The following CNTNAP2 variants were observed in gnomAD, a reference collection of about 807,000 sequenced individuals.
CNTNAP2 encodes the protein contactin associated protein 2, also known as contactin-associated protein-like 2.
A neutral mutation model predicts 155.2 loss-of-function variants in CNTNAP2; 98 were observed. That is an observed-to-expected ratio of 0.63 (90% CI 0.54 to 0.75). CNTNAP2 has a LOEUF of 0.75. Ranked by LOEUF, CNTNAP2 falls within the 30% of genes least tolerant of loss-of-function variation. The pLI is 0.00. For missense variants in CNTNAP2, 1,727 were observed against 1,688.1 expected (o/e 1.02, Z -0.40); for synonymous variants, 651 against 631.2 (o/e 1.03, Z -0.47).
At chr7:147,678,717 AG>A (rs1365503692) in intron 13 of CNTNAP2, among the ~76,000 whole-genome samples, 1 of 151,970 alleles carries the variant, frequency 6.6e-6, no homozygotes, top group Non-Finnish European at 1.5e-5. Context: ...TTTAGGTAAA[AG>A]TGCTAATTAG....
chr7:146,798,195 C>T lies in CNTNAP2; in HGVS notation c.208+23814C>T, dbSNP rs149466288. On this transcript the variant is annotated intron_variant, in intron 2 of 23. Transcript: ENST00000361727. ...GCAGAGGCACAAGGATCACTTGAGC[C>T]GGGGATGGGGAGGCAGAGGCTGCAG... 1.4e-3 allele frequency among the ~76,000 whole-genome samples: 212 copies of T among 151,468 alleles called. 7 individuals carry two copies. The East Asian group carries it at 0.035, about 25-fold the overall frequency.
chr7:146,214,577 T>C (rs1461505881), intron 1 of CNTNAP2, among the ~76,000 whole-genome samples: 2 of 152,148 alleles, frequency 1.3e-5, no homozygotes, highest in African/African-American at 4.8e-5. Flanking sequence ...AATTGTGAAA[T>C]AAAATACACT....
At chr7:146,976,950 C>A (rs1797923350) in intron 3 of CNTNAP2, among the ~76,000 whole-genome samples, 1 of 151,982 alleles carries the variant, frequency 6.6e-6, no homozygotes, top group African/African-American at 2.4e-5. Flanking sequence ...CTTTGTAGCC[C>A]CCTCCAGGAC....
At chr7:147,341,906 C>T (rs1795771436) in intron 9 of CNTNAP2, among the ~76,000 whole-genome samples, 1 of 152,138 alleles carries the variant, frequency 6.6e-6, no homozygotes, top group South Asian at 2.1e-4. Flanking sequence ...CTGTCTTAAT[C>T]AGTTTAGGTT....
At chr7:147,895,778 T>A (rs1161902120) in intron 13 of CNTNAP2, among the ~76,000 whole-genome samples, 3 of 152,218 alleles carry the variant, frequency 2.0e-5, no homozygotes, top group Non-Finnish European at 4.4e-5. Flanking sequence ...AGGGAATTCT[T>A]TGCTCAAAAT....
intron 12 of CNTNAP2, among the ~76,000 whole-genome samples, chr7:147,638,222 T>C (rs755361940): frequency 6.6e-6 from 1 of 152,174 alleles, no homozygotes; most frequent in African/African-American, 2.4e-5. Context: ...CTGGGATATG[T>C]TCCTGGCTCA....
chr7:147,936,587 T>C (rs1279025709), intron 14 of CNTNAP2, among the ~76,000 whole-genome samples: 2 of 152,164 alleles, frequency 1.3e-5, no homozygotes, highest in South Asian at 2.1e-4. Context: ...AATGACTACA[T>C]GTATTCATTT....
chr7:147,652,197 G>C (rs1049980808), intron 13 of CNTNAP2, among the ~76,000 whole-genome samples: 17 of 152,122 alleles, frequency 1.1e-4, no homozygotes, highest in African/African-American at 4.1e-4. Flanking sequence ...CCTATTGTTT[G>C]CTTACAATTT....
intron 1 of CNTNAP2, among the ~76,000 whole-genome samples, chr7:146,702,264 G>A (rs1269714112): frequency 1.3e-5 from 2 of 152,028 alleles, no homozygotes; most frequent in Non-Finnish European, 2.9e-5. Context: ...TATTAAACGG[G>A]TATAGAATTG....
intron 21 of CNTNAP2, among the ~76,000 whole-genome samples, chr7:148,315,113 C>T (rs929496526): frequency 6.6e-5 from 10 of 152,136 alleles, no homozygotes; most frequent in Non-Finnish European, 1.5e-4. Context: ...GACCAGAGGT[C>T]GTAGGTGGAT....
chr7:146,201,674 G>T (rs1798865164), intron 1 of CNTNAP2, among the ~76,000 whole-genome samples: 1 of 146,390 alleles, frequency 6.8e-6, no homozygotes, highest in African/African-American at 2.6e-5. Context: ...GTGTGTGTGT[G>T]TGAATCAGAA....
chr7:146,400,452 G>C (rs1795698056), intron 1 of CNTNAP2, among the ~76,000 whole-genome samples: 1 of 152,154 alleles, frequency 6.6e-6, no homozygotes, highest in Non-Finnish European at 1.5e-5. Context: ...TCACATTCAA[G>C]TTGTTTTAGT....
intron 14 of CNTNAP2, among the ~76,000 whole-genome samples, chr7:147,915,259 C>A (rs941884669): frequency 6.7e-6 from 1 of 149,434 alleles, no homozygotes. Flanking sequence ...AGGATTCCTC[C>A]GCTCAGCGGG....
intron 13 of CNTNAP2, among the ~76,000 whole-genome samples, chr7:147,772,657 A>G (rs1797493790): frequency 6.6e-6 from 1 of 151,726 alleles, no homozygotes; most frequent in African/African-American, 2.4e-5. Context: ...CATCTCTGAC[A>G]CCATTGCCTT....
intron 3 of CNTNAP2, among the ~76,000 whole-genome samples, chr7:146,855,765 C>T (rs993458321): frequency 7.1e-6 from 1 of 139,882 alleles, no homozygotes; most frequent in Admixed American, 7.3e-5. Flanking sequence ...TGAGAGAAGA[C>T]AAGAATGAAG....
intron 12 of CNTNAP2, among the ~76,000 whole-genome samples, chr7:147,631,429 C>T (rs1352663439): frequency 6.6e-6 from 1 of 152,070 alleles, no homozygotes; most frequent in Non-Finnish European, 1.5e-5. Flanking sequence ...CTACAGATTG[C>T]AATTTCCATC....
intron 2 of CNTNAP2, among the ~76,000 whole-genome samples, chr7:146,838,504 A>C (rs1373827058): frequency 6.6e-6 from 1 of 152,012 alleles, no homozygotes; most frequent in Non-Finnish European, 1.5e-5. Context: ...TTTTAGAGGA[A>C]ATGGGGTTTC....
intron 1 of CNTNAP2, among the ~76,000 whole-genome samples, chr7:146,185,228 C>CA (rs1798605796): frequency 6.6e-6 from 1 of 151,812 alleles, no homozygotes; most frequent in East Asian, 1.9e-4. Flanking sequence ...GATTAAAAAA[C>CA]ACAATTGAAA....
At chr7:147,520,149 T>C (rs1799207445) in intron 11 of CNTNAP2, among the ~76,000 whole-genome samples, 1 of 152,072 alleles carries the variant, frequency 6.6e-6, no homozygotes. Flanking sequence ...GAAGCCAGAG[T>C]GTGAAAACTG....
Sources: allele counts gnomAD v4.1 joint callset (sites outside exome capture counted in the v4.1 genomes callset), GRCh38; gene constraint gnomAD v4.1.1; transcripts MANE v1.5; gene names NCBI Gene and HGNC (gene_info 2026-07-23, HGNC 2026-07-21).